Variants in SOX6 observed in about 807,000 individuals in gnomAD.
The protein encoded by SOX6 is transcription factor SOX-6.
In SOX6, 11 loss-of-function variants were observed where a neutral mutation model predicts 97.8. The ratio of observed to expected loss-of-function variants is 0.11; its 90% CI spans 0.07 to 0.19. The LOEUF (loss-of-function observed/expected upper bound fraction) is 0.19, where lower values mean the gene tolerates loss of function less well. SOX6 is among the 10% of genes least tolerant of loss of function. The pLI is 1.00. For synonymous variants in SOX6, 360 were observed against 371.4 expected, an observed-to-expected ratio of 0.97 and a Z score of 0.35; for missense variants, 810 against 1,039.5, an observed-to-expected ratio of 0.78 and a Z score of 3.04.
chr11:16,459,312 T>G (rs571170367), intron 1 of SOX6, among the ~76,000 whole-genome samples: 1 of 151,850 alleles, frequency 6.6e-6, no homozygotes, highest in South Asian at 2.1e-4. Context: ...AAAGCAAGAA[T>G]CAAACTATTT....
rs537798332 is a variant in SOX6, at chr11:16,507,028, C to T, written n.610-30640G>A. 3.3e-5 allele frequency among the ~76,000 whole-genome samples: 5 copies of T among 152,212 alleles called. No individual in the cohort carries two copies. The East Asian group carries it at 9.6e-4, about 29-fold the overall frequency. ...GCAATGAGCCAAGATCATACCATTG[C>T]ACTCCAGCCATGATAACGGAGAGAA... On this transcript the variant is annotated intron_variant and non_coding_transcript_variant, in intron 4 of 5. Coordinates refer to the SOX6 transcript ENST00000524520.
chr11:16,243,170 C>A (rs1402987366), intron 3 of SOX6, among the ~76,000 whole-genome samples: 1 of 152,012 alleles, frequency 6.6e-6, no homozygotes, highest in African/African-American at 2.4e-5. Context: ...TTAACACTTG[C>A]TGAGCACATA....
At position 16,295,467 on chromosome 11, in the gene SOX6, C is replaced by T. The variant is rs192130611; in HGVS notation, c.445+22979G>A. On this transcript the variant is annotated intron_variant, in intron 3 of 15. Coordinates refer to ENST00000683767, the MANE Select transcript of SOX6 (RefSeq NM_001367873.1). ...ACAAGAGAACATCAAAAGCAGATAG[C>T]CATCCGGAAATAAATACCACCCCCC... 5.5e-4 allele frequency among the ~76,000 whole-genome samples: 83 copies of T among 152,028 alleles called. 1 individual carries two copies. The East Asian group carries it at 0.015, about 27-fold the overall frequency.
At chr11:16,254,614 G>A (rs1189035344) in intron 3 of SOX6, among the ~76,000 whole-genome samples, 1 of 151,672 alleles carries the variant, frequency 6.6e-6, no homozygotes, top group Non-Finnish European at 1.5e-5. Flanking sequence ...CCACTTAAAA[G>A]AAGTATAACT....
intron 13 of SOX6, 148 bp downstream of exon 13, chr11:16,014,794 A>G (rs2047609849): frequency 4.1e-6 from 3 of 731,152 alleles, no homozygotes. Flanking sequence ...TTACATACAT[A>G]CGTAGTTGAA....
intron 1 of SOX6, among the ~76,000 whole-genome samples, chr11:16,449,277 CTTTTTTTTTTTTTTTTTTTT>C (rs10611823): frequency 3.2e-5 from 2 of 62,906 alleles, no homozygotes; most frequent in Non-Finnish European, 5.4e-5. Context: ...AATGCTCCTT[CTTTTTTTTTTTTTTTTTTTT>C]TTTTTTTTTT....
At chr11:16,520,108 G>C (rs1019834489) in intron 4 of SOX6, among the ~76,000 whole-genome samples, 1 of 152,124 alleles carries the variant, frequency 6.6e-6, no homozygotes, top group Non-Finnish European at 1.5e-5. Flanking sequence ...TTTTTTGTTA[G>C]ATGCATACTT....
intron 2 of SOX6, among the ~76,000 whole-genome samples, chr11:16,723,225 A>T (rs1848280109): frequency 6.6e-6 from 1 of 152,200 alleles, no homozygotes; most frequent in South Asian, 2.1e-4. Flanking sequence ...TAACGCAGCA[A>T]CAGAAAACCA....
At chr11:16,318,117 A>G in intron 3 of SOX6, 1 of 381,140 alleles carries the variant, frequency 2.6e-6, no homozygotes, top group Non-Finnish European at 5.0e-6. Context: ...AAAAGGAAAT[A>G]GGGGAGAAAA....
intron 15 of SOX6, among the ~76,000 whole-genome samples, chr11:15,980,462 C>T (rs1853623000): frequency 6.6e-6 from 1 of 151,926 alleles, no homozygotes; most frequent in African/African-American, 2.4e-5. Flanking sequence ...TGATCTTGCT[C>T]TCTTTTATCA....
intron 4 of SOX6, among the ~76,000 whole-genome samples, chr11:16,601,784 A>T (rs922498244): frequency 1.3e-5 from 2 of 152,124 alleles, no homozygotes; most frequent in Non-Finnish European, 2.9e-5. Flanking sequence ...ATTCCTAAAA[A>T]AGGTCAAATA....
chr11:16,612,184 G>T (rs770331290), exon 4 of SOX6: 1 of 151,668 alleles, frequency 6.6e-6, no homozygotes, highest in South Asian at 2.1e-4. Context: ...GCCAGTCTGC[G>T]TACACCTTCA....
intron 3 of SOX6, among the ~76,000 whole-genome samples, chr11:16,693,054 A>AT (rs1304741551): frequency 6.6e-6 from 1 of 152,142 alleles, no homozygotes; most frequent in Non-Finnish European, 1.5e-5. Context: ...TAATGATGTG[A>AT]TGGGTATACT....
chr11:16,485,215 C>T (rs1388331792), intron 4 of SOX6, among the ~76,000 whole-genome samples: 1 of 152,100 alleles, frequency 6.6e-6, no homozygotes, highest in East Asian at 1.9e-4. Context: ...TACTGCTCTC[C>T]TGAAAGAATA....
At chr11:16,162,543 C>T (rs1267484214) in intron 6 of SOX6, among the ~76,000 whole-genome samples, 2 of 152,108 alleles carry the variant, frequency 1.3e-5, no homozygotes, top group African/African-American at 4.8e-5. Context: ...GCATCTCCCC[C>T]TCACACTCTC....
At chr11:16,255,356 TG>T (rs749806261) in intron 3 of SOX6, among the ~76,000 whole-genome samples, 4 of 152,092 alleles carry the variant, frequency 2.6e-5, no homozygotes, top group Admixed American at 6.6e-5. Flanking sequence ...GACCACATTC[TG>T]GGCTATAAAA....
At chr11:16,602,139 C>G (rs563278689) in intron 4 of SOX6, among the ~76,000 whole-genome samples, 138 of 152,120 alleles carry the variant, frequency 9.1e-4, no homozygotes, top group Non-Finnish European at 1.6e-3. Flanking sequence ...ACATATTCAC[C>G]AAGAGAATGT....
At chr11:16,537,393 T>C (rs1377058862) in intron 4 of SOX6, among the ~76,000 whole-genome samples, 1 of 151,800 alleles carries the variant, frequency 6.6e-6, no homozygotes, top group Non-Finnish European at 1.5e-5. Flanking sequence ...AGCTGAAAAC[T>C]CCAAAAACCA....
At chr11:16,255,841 G>GAA (rs35186404) in intron 3 of SOX6, among the ~76,000 whole-genome samples, 13 of 139,940 alleles carry the variant, frequency 9.3e-5, no homozygotes, top group Admixed American at 2.1e-4. Flanking sequence ...CAGACTAAAG[G>GAA]AAAAAAAAAA....
Sources: allele counts gnomAD v4.1 joint callset (sites outside exome capture counted in the v4.1 genomes callset), GRCh38; gene constraint gnomAD v4.1.1; transcripts MANE v1.5; gene names NCBI Gene and HGNC (gene_info 2026-07-23, HGNC 2026-07-21).